PLD5: variants seen among roughly 807,000 people sequenced by gnomAD.
PLD5 encodes phospholipase D family member 5, also known as inactive phospholipase D5.
A neutral mutation model predicts 61.1 loss-of-function variants in PLD5; 36 were observed. The ratio of observed to expected loss-of-function variants is 0.59; its 90% confidence interval spans 0.45 to 0.78. PLD5 has a LOEUF of 0.78. Among genes scored for constraint, PLD5 ranks in the 30% least tolerant of loss-of-function variants. The pLI, the probability that PLD5 is intolerant of heterozygous loss-of-function variation, is 0.00. For missense variants in PLD5, 515 were observed against 644.4 expected (o/e 0.80, Z 2.17); for synonymous variants, 243 against 242.8 (o/e 1.00, Z -0.01).
chr1:242,267,589 T>G (rs1363250809), intron 3 of PLD5, among the ~76,000 whole-genome samples: 1 of 152,088 alleles, frequency 6.6e-6, no homozygotes, highest in Non-Finnish European at 1.5e-5. Context: ...TAACTCCTTA[T>G]TTAAAAAAGA....
chr1:242,177,004 G>A (rs1424787230), intron 5 of PLD5, among the ~76,000 whole-genome samples: 1 of 152,138 alleles, frequency 6.6e-6, no homozygotes, highest in East Asian at 1.9e-4. Context: ...AATCATTGTG[G>A]AAGACAGTGT....
intron 5 of PLD5, among the ~76,000 whole-genome samples, chr1:242,179,138 G>C (rs574825406): frequency 2.0e-5 from 3 of 152,180 alleles, no homozygotes; most frequent in Non-Finnish European, 4.4e-5. Context: ...CATGAGTGGG[G>C]CAATTACCTT....
intron 2 of PLD5, among the ~76,000 whole-genome samples, chr1:242,306,202 T>A (rs552592211): frequency 6.6e-6 from 1 of 151,998 alleles, no homozygotes; most frequent in East Asian, 1.9e-4. Flanking sequence ...CAGGATCTTG[T>A]ACAACCTTGG....
chr1:242,109,407 G>A (rs965296145), intron 7 of PLD5, among the ~76,000 whole-genome samples: 2 of 152,016 alleles, frequency 1.3e-5, no homozygotes, highest in African/African-American at 4.8e-5. Context: ...GAACCCAGGA[G>A]GTGGAGGTTG....
intron 1 of PLD5, among the ~76,000 whole-genome samples, chr1:242,459,675 G>T (rs1348437058): frequency 6.6e-6 from 1 of 152,136 alleles, no homozygotes; most frequent in Non-Finnish European, 1.5e-5. Context: ...ACAATTCCAG[G>T]TTGGACTGCC....
chr1:242,241,901 A>ACACTTAC (rs1479790206), intron 4 of PLD5, among the ~76,000 whole-genome samples: 1 of 44,522 alleles, frequency 2.2e-5, no homozygotes, highest in African/African-American at 9.1e-5. Flanking sequence ...ATATATATAT[A>ACACTTAC]TATATATATA....
Position 242,505,734 on chromosome 1 carries a change from G to A in PLD5, c.189+18354C>T, listed in dbSNP as rs529714466. On this transcript the variant is annotated intron_variant, in intron 1 of 9. Coordinates refer to ENST00000536534, the MANE Select transcript of PLD5 (RefSeq NM_001372062.1). ...GACAACGGCAGACCTCAAGTTGCCC[G>A]AGGAGCTCAGAGGTGAGGGGCATGG... Among the ~76,000 whole-genome samples, 12 of 152,278 alleles carry A rather than the reference G, an allele frequency of 7.9e-5. No homozygotes were observed. In the East Asian group the frequency reaches 1.2e-3, roughly 15 times the overall value.
At chr1:242,492,396 C>T (rs1196675716) in intron 1 of PLD5, among the ~76,000 whole-genome samples, 3 of 151,680 alleles carry the variant, frequency 2.0e-5, no homozygotes, top group Non-Finnish European at 4.4e-5. Flanking sequence ...GTGGTGGGTG[C>T]CTGTAATCCC....
At chr1:242,138,246 C>T (rs1032317600) in intron 5 of PLD5, among the ~76,000 whole-genome samples, 7 of 152,120 alleles carry the variant, frequency 4.6e-5, no homozygotes, top group Non-Finnish European at 8.8e-5. Flanking sequence ...ATGAGCATGT[C>T]CTGATCCCTG....
chr1:242,529,951 C>G, the PLD5 span, among the ~76,000 whole-genome samples: 2,930 of 152,222 alleles, frequency 0.019, 40 homozygotes, highest in South Asian at 0.047. Context: ...GCACCACAAC[C>G]TCCACCTCCT....
At chr1:242,346,041 A>G (rs1660115507) in intron 2 of PLD5, among the ~76,000 whole-genome samples, 1 of 1,412 alleles carries the variant, frequency 7.1e-4, no homozygotes, top group Non-Finnish European at 0.026. Flanking sequence ...ACAACCATAT[A>G]TCATATTTAT....
At chr1:242,308,585 T>C (rs966831965) in intron 2 of PLD5, among the ~76,000 whole-genome samples, 2 of 152,118 alleles carry the variant, frequency 1.3e-5, no homozygotes, top group Non-Finnish European at 2.9e-5. Context: ...ACATATACTA[T>C]ATATATCAGA....
intron 5 of PLD5, among the ~76,000 whole-genome samples, chr1:242,161,522 G>GTTTCCTATATTATAAA (rs1665827313): frequency 1.3e-5 from 2 of 151,930 alleles, no homozygotes; most frequent in Admixed American, 1.3e-4. Context: ...TTCTCTTTAA[G>GTTTCCTATATTATAAA]TTTCCTATAT....
At chr1:242,520,294 G>A (rs751351725) in intron 1 of PLD5, among the ~76,000 whole-genome samples, 5 of 152,208 alleles carry the variant, frequency 3.3e-5, no homozygotes, top group Non-Finnish European at 7.3e-5. Flanking sequence ...CCAGCCAATA[G>A]GCACAGGTGA....
At chr1:242,285,475 G>A (rs1161757025) in intron 3 of PLD5, among the ~76,000 whole-genome samples, 1 of 152,166 alleles carries the variant, frequency 6.6e-6, no homozygotes, top group African/African-American at 2.4e-5. Context: ...TTTAGCCTCG[G>A]CAACAGAGCA....
intron 3 of PLD5, among the ~76,000 whole-genome samples, chr1:242,269,830 C>A (rs2841931): frequency 0.021 from 3,232 of 151,896 alleles, 121 homozygotes; most frequent in African/African-American, 0.074. Flanking sequence ...ATCATTTTTA[C>A]GCAATTAGAG....
Position 242,112,335 on chromosome 1 carries a change from A to ATGTG in PLD5, c.1070+1551_1070+1554dup, listed in dbSNP as rs1487395046. Among the ~76,000 whole-genome samples, 93 of 40,196 alleles carry ATGTG rather than the reference A, an allele frequency of 2.3e-3. 1 individual carries two copies. Among genetic ancestry groups the ATGTG allele is most frequent in the African/African-American group, 7.7e-3 (61 of 7,970 alleles). 26.4% of individuals were successfully genotyped at this position (40,196 alleles called of 152,430 possible). On this transcript the variant is annotated intron_variant, in intron 7 of 9. Transcript: ENST00000536534. ...TGTGTGTGTGTGTGTATGTATGTAT[A>ATGTG]TGTGTATATATATATATAGATGGAG...
At chr1:242,529,778 T>TCTTCCTTCCTTC in the PLD5 span, among the ~76,000 whole-genome samples, 12,738 of 129,648 alleles carry the variant, frequency 0.098, 943 homozygotes, top group African/African-American at 0.18. Flanking sequence ...GGCACTGGGA[T>TCTTCCTTCCTTC]CTTCCTTCCT....
At chr1:242,180,167 C>G (rs974206180) in intron 5 of PLD5, among the ~76,000 whole-genome samples, 3 of 152,066 alleles carry the variant, frequency 2.0e-5, no homozygotes, top group Non-Finnish European at 4.4e-5. Context: ...GATGTAAGCC[C>G]TGGGAAACTA....
Sources: allele counts gnomAD v4.1 joint callset (sites outside exome capture counted in the v4.1 genomes callset), GRCh38; gene constraint gnomAD v4.1.1; transcripts MANE v1.5; gene names NCBI Gene and HGNC (gene_info 2026-07-23, HGNC 2026-07-21).